The following RNF146 variants were observed in gnomAD, a reference collection of about 807,000 sequenced individuals.
RNF146 encodes ring finger protein 146.
RNF146 carries 11 observed loss-of-function variants against 29.7 expected under a neutral mutation model. That is an observed-to-expected ratio of 0.37 (90% CI 0.23 to 0.61). RNF146 has a LOEUF of 0.61. Among genes scored for constraint, RNF146 ranks in the 20% least tolerant of loss-of-function variants. The probability of loss-of-function intolerance (pLI) is 0.66; values close to 1 mark genes in which losing one functional copy is unlikely to be tolerated. For synonymous variants in RNF146, 150 were observed against 159.7 expected (o/e 0.94, Z 0.46); for missense variants, 342 against 438.9 (o/e 0.78, Z 1.97).
intron 1 of RNF146, among the ~76,000 whole-genome samples, chr6:127,276,468 T>C (rs1157704549): frequency 6.6e-6 from 1 of 151,986 alleles, no homozygotes; most frequent in Non-Finnish European, 1.5e-5. Flanking sequence ...AGATGTCATA[T>C]TGTAAGAATT....
chr6:127,280,196 C>G (rs893649572), intron 1 of RNF146, 35 bp from the exon 2 acceptor site: 1 of 759,292 alleles, frequency 1.3e-6, no homozygotes, highest in Non-Finnish European at 2.2e-6. Flanking sequence ...TTAACTGATT[C>G]TCTTGATCTT....
rs1345005399 is a variant in RNF146, at chr6:127,271,810, C to G, written c.-109+4885C>G. Among the ~76,000 whole-genome samples, 6 of 152,144 alleles carry G rather than the reference C, an allele frequency of 3.9e-5. No individual in the cohort carries two copies. The East Asian group carries it at 7.7e-4, about 20-fold the overall frequency. ...TTATTGAAATTAATTTTACCTGTTT[C>G]TTTCTATTATTATTTTTGTAGAAAT... On this transcript the variant is annotated intron_variant, in intron 1 of 2. Transcript: ENST00000368314.
rs150890654 is a variant in RNF146, at chr6:127,286,617, A to T, written c.4A>T (p.Met2Leu). 20 of 1,600,534 alleles carry T rather than the reference A, an allele frequency of 1.2e-5. No homozygotes were observed. The highest frequency in any genetic ancestry group is 1.3e-5 in the Non-Finnish European group (15 of 1,174,744). M[M>L]AGCGEIDHSI... is the part of the protein sequence containing the mutation. Reference sequence around the variant, plus strand: ...AATATTATATGTATTTTTTCTTAGGATGGCTGGCTGTGGTGAAATTGATCA... The same window carrying T: ...AATATTATATGTATTTTTTCTTAGGTTGGCTGGCTGTGGTGAAATTGATCA... Residue 2 changes from methionine (M) to leucine (L), a missense_variant and splice_region_variant, in exon 3 of 3, where the codon ATG becomes TTG. This residue lies in a region of RNF146 where 39 missense variants were observed against 43.1 expected (regional missense o/e 0.90). Coordinates refer to ENST00000368314, the MANE Select transcript of RNF146 (RefSeq NM_001242850.2). This position sits in a 1 kb window ranked among gnomAD's most constrained non-coding sequence, Gnocchi z 4.6.
chr6:127,282,762 C>T (rs1258408136), intron 2 of RNF146, among the ~76,000 whole-genome samples: 1 of 151,724 alleles, frequency 6.6e-6, no homozygotes, highest in Non-Finnish European at 1.5e-5. Flanking sequence ...ACTAAACTGG[C>T]TGTTATTTCC....
intron 2 of RNF146, among the ~76,000 whole-genome samples, chr6:127,281,886 A>G (rs1778955348): frequency 6.6e-6 from 1 of 151,640 alleles, no homozygotes; most frequent in Non-Finnish European, 1.5e-5. Context: ...CAGGAGGAAT[A>G]ATGATAAGAC....
At chr6:127,279,175 A>C (rs776679679) in intron 1 of RNF146, among the ~76,000 whole-genome samples, 1 of 151,978 alleles carries the variant, frequency 6.6e-6, no homozygotes, top group Admixed American at 6.6e-5. Flanking sequence ...TTTTGATGTC[A>C]TATCTAGGAA....
intron 2 of RNF146, among the ~76,000 whole-genome samples, chr6:127,283,048 C>G (rs931293761): frequency 1.3e-5 from 2 of 151,734 alleles, no homozygotes; most frequent in East Asian, 3.9e-4. Context: ...CAAGAAGTTT[C>G]AAGGAAATCT....
intron 2 of RNF146, among the ~76,000 whole-genome samples, chr6:127,284,465 T>C (rs1779268135): frequency 6.6e-6 from 1 of 151,856 alleles, no homozygotes; most frequent in Non-Finnish European, 1.5e-5. Flanking sequence ...TTTCTTTTTC[T>C]TAATTGGAGC....
intron 1 of RNF146, among the ~76,000 whole-genome samples, chr6:127,274,650 C>T (rs1460853098): frequency 1.3e-5 from 2 of 152,254 alleles, no homozygotes; most frequent in Non-Finnish European, 2.9e-5. Context: ...ACCATTCAAT[C>T]AATTAGGTTC....
rs763133290 is a variant in RNF146, at chr6:127,287,480, A to G, written c.867A>G (p.Glu289=). ...PAPDTSIEET[E]SDASSDSEDV... ...CAGACACCTCCATTGAAGAAACTGA[A>G]TCAGATGCCAGTAGTGATAGTGAGG... is the stretch of plus-strand genomic sequence containing the variant. The change falls in exon 3 of 3, where the codon GAA becomes GAG. Residue 289 remains glutamate (E), a synonymous_variant. Transcript: ENST00000368314. 6.2e-7 allele frequency: 1 copy of G among 1,613,372 alleles called. No homozygotes were observed. The highest frequency in any genetic ancestry group is 2.2e-5 in the East Asian group (1 of 44,832).
chr6:127,269,009 T>A (rs1777064575), intron 1 of RNF146, among the ~76,000 whole-genome samples: 1 of 152,218 alleles, frequency 6.6e-6, no homozygotes, highest in African/African-American at 2.4e-5. Flanking sequence ...CAGTTGGGAA[T>A]TCGAATGCGT....
intron 1 of RNF146, among the ~76,000 whole-genome samples, chr6:127,279,713 T>C (rs1437505060): frequency 6.6e-6 from 1 of 151,854 alleles, no homozygotes; most frequent in African/African-American, 2.4e-5. Flanking sequence ...AGTCTTCCAA[T>C]CCATACATCA....
chr6:127,286,760 T>C lies in RNF146; in HGVS notation c.147T>C (p.Ser49=). 1.9e-6 allele frequency: 3 copies of C among 1,613,382 alleles called. No individual in the cohort carries two copies. Among genetic ancestry groups the C allele is most frequent in the Non-Finnish European group, 1.7e-6 (2 of 1,179,574 alleles). ...ICLQTCVHPV[S]LPCKHVFCYL... ...TGCAAACATGTGTTCATCCAGTCAG[T>C]CTGCCCTGTAAGCACGTTTTCTGCT... The change falls in exon 3 of 3, where the codon AGT becomes AGC. Residue 49 remains serine, a synonymous_variant. Transcript: ENST00000368314. This position sits in a 1 kb window ranked among gnomAD's most constrained non-coding sequence, Gnocchi z 4.6.
chr6:127,287,320 C>T lies in RNF146; in HGVS notation c.707C>T (p.Ser236Phe), dbSNP rs765236104. ...DGQLTSPATP[S>F]PDASTSLEDS... ...CAGTTAACAAGCCCTGCAACACCAT[C>T]CCCTGATGCAAGCACTTCTCTGGAA... Residue 236 changes from serine (S) to phenylalanine (F), a missense_variant, in exon 3 of 3, where the codon TCC (serine) becomes TTC (phenylalanine). Transcript: ENST00000368314. 15 of 1,613,306 alleles carry T rather than the reference C, an allele frequency of 9.3e-6. No individual in the cohort carries two copies. The African/African-American group carries it at 2.0e-4, about 22-fold the overall frequency.
intron 1 of RNF146, among the ~76,000 whole-genome samples, chr6:127,277,048 A>C (rs536704823): frequency 2.0e-5 from 3 of 152,072 alleles, no homozygotes; most frequent in Non-Finnish European, 4.4e-5. Context: ...GTTCATTTTC[A>C]AGGCTATTTA....
rs756825211 is a variant in RNF146, at chr6:127,287,417, A to G, written c.804A>G (p.Glu268=). The change falls in exon 3 of 3, where the codon GAA becomes GAG. Residue 268 remains glutamate (E), a synonymous_variant. Transcript: ENST00000368314. ...AERSHRGEGE[E]DHESPSSGRV... Reference sequence around the variant, plus strand: ...GGAGTCATAGGGGAGAAGGAGAAGAAGATCATGAATCACCATCTTCAGGCA... The same window carrying G: ...GGAGTCATAGGGGAGAAGGAGAAGAGGATCATGAATCACCATCTTCAGGCA... 1 of 1,613,528 alleles carries G rather than the reference A, an allele frequency of 6.2e-7. No individual in the cohort carries two copies. Among genetic ancestry groups the G allele is most frequent in the South Asian group, 1.1e-5 (1 of 91,072 alleles).
At chr6:127,269,279 TTA>T (rs1310971319) in intron 1 of RNF146, among the ~76,000 whole-genome samples, 1 of 152,192 alleles carries the variant, frequency 6.6e-6, no homozygotes, top group African/African-American at 2.4e-5. Context: ...AATTACAGAA[TTA>T]TAGAGTAGGA....
At position 127,285,419 on chromosome 6, in the gene RNF146, G is replaced by A. The variant is rs566886329; in HGVS notation, c.3-1197G>A. The A allele has an allele frequency of 3.8e-6, 3 of 782,994 alleles. No homozygotes were observed. The South Asian group carries it at 1.7e-4, about 45-fold the overall frequency. The allele number at this position is 782,994 out of a possible 1,614,324, so 48.5% of individuals were successfully genotyped here. ...TAGAATGGCAGAATTAGCTGGCAGAGAGATTGTCATTCATTTTAAGCTTTC... is the reference window on the plus strand; with the variant it reads ...TAGAATGGCAGAATTAGCTGGCAGAAAGATTGTCATTCATTTTAAGCTTTC... On this transcript the variant is annotated intron_variant, in intron 2 of 2. Coordinates refer to ENST00000368314, the MANE Select transcript of RNF146 (RefSeq NM_001242850.2).
chr6:127,271,104 G>A (rs900827841), intron 1 of RNF146, among the ~76,000 whole-genome samples: 4 of 152,044 alleles, frequency 2.6e-5, no homozygotes, highest in Non-Finnish European at 4.4e-5. Flanking sequence ...GTGAGCCACC[G>A]CACCTGGCCT....
Sources: allele counts gnomAD v4.1 joint callset (sites outside exome capture counted in the v4.1 genomes callset), GRCh38; gene constraint gnomAD v4.1.1; regional missense constraint gnomAD v4.1.1; non-coding constraint Gnocchi (gnomAD v3.1); transcripts MANE v1.5; gene names NCBI Gene and HGNC (gene_info 2026-07-23, HGNC 2026-07-21).